Variants in UGT1A9 observed in about 807,000 individuals in gnomAD.
The protein encoded by UGT1A9 is UDP glucuronosyltransferase family 1 member A9.
Under a neutral mutation model 45.0 loss-of-function variants are expected in UGT1A9, and 35 were observed. The observed-to-expected ratio is 0.78, with a 90% CI of 0.59 to 1.03. The LOEUF is 1.03. Ranked by LOEUF, UGT1A9 falls within the 50% of genes least tolerant of loss-of-function variation. The pLI is 0.00. For missense variants in UGT1A9, 687 were observed against 666.6 expected (o/e 1.03, Z -0.34); for synonymous variants, 278 against 250.6 (o/e 1.11, Z -1.03).
At chr2:233,716,461 A>G (rs2076505023) in intron 1 of UGT1A9, among the ~76,000 whole-genome samples, 1 of 151,896 alleles carries the variant, frequency 6.6e-6, no homozygotes, top group Non-Finnish European at 1.5e-5. Context: ...TTTAAATTTA[A>G]TTTTTGTTTC....
intron 1 of UGT1A9, chr2:233,743,777 T>C (rs1692497212): frequency 7.3e-7 from 1 of 1,367,292 alleles, no homozygotes; most frequent in Admixed American, 1.9e-5. Flanking sequence ...GGCCACCTGC[T>C]TGAATCTCCT....
intron 1 of UGT1A9, chr2:233,693,496 C>T (rs1360218156): frequency 8.1e-6 from 13 of 1,614,144 alleles, no homozygotes; most frequent in Non-Finnish European, 1.1e-5. Context: ...AGTATTTGGG[C>T]CTACCATCTG....
intron 1 of UGT1A9, among the ~76,000 whole-genome samples, chr2:233,757,535 A>AATATATATACATAT (rs376887521): frequency 1.4e-4 from 12 of 88,292 alleles, no homozygotes; most frequent in Admixed American, 3.3e-4. Context: ...GCCTGTAAGG[A>AATATATATACATAT]ATATATATAT....
rs570829500 is a variant in UGT1A9, at chr2:233,743,629, T to G, written c.856-23405T>G. 70 of 1,367,302 alleles carry G rather than the reference T, an allele frequency of 5.1e-5. 1 individual carries two copies. The highest frequency in any genetic ancestry group is 2.7e-4 in the East Asian group (6 of 21,984). The allele number at this position is 1,367,302 out of a possible 1,614,324, so 84.7% of individuals were successfully genotyped here. The stretch of plus-strand genomic sequence containing the variant: ...CGAAGAACTCCCTGAAGACGTCGGC[T>G]GGGTCGCGGAAGCTGAAGACGTACT... On this transcript the variant is annotated intron_variant, in intron 1 of 4. Transcript: ENST00000354728.
chr2:233,764,219 C>T (rs759767670), intron 1 of UGT1A9, among the ~76,000 whole-genome samples: 2 of 152,130 alleles, frequency 1.3e-5, no homozygotes, highest in Non-Finnish European at 2.9e-5. Context: ...TGAAGGGAAT[C>T]AATGGTGGGG....
chr2:233,741,124 A>T (rs1048949215), intron 1 of UGT1A9, among the ~76,000 whole-genome samples: 1 of 151,714 alleles, frequency 6.6e-6, no homozygotes, highest in Non-Finnish European at 1.5e-5. Context: ...ACTTCTATAA[A>T]AGCAACACTT....
At chr2:233,748,875 A>T (rs1329303581) in intron 1 of UGT1A9, among the ~76,000 whole-genome samples, 1 of 151,636 alleles carries the variant, frequency 6.6e-6, no homozygotes, top group Non-Finnish European at 1.5e-5. Flanking sequence ...GGGGACGGTG[A>T]TGAATGGACA....
intron 1 of UGT1A9, among the ~76,000 whole-genome samples, chr2:233,759,225 G>A (rs984421918): frequency 4.6e-5 from 7 of 152,188 alleles, no homozygotes; most frequent in Admixed American, 2.0e-4. Context: ...TTATGCAAAT[G>A]AAGGATGGAA....
At chr2:233,713,488 C>A (rs758374226) in intron 1 of UGT1A9, 1 of 1,613,950 alleles carries the variant, frequency 6.2e-7, no homozygotes, top group Non-Finnish European at 8.5e-7. Context: ...AAGTACCTGT[C>A]GATTCCTGCT....
intron 1 of UGT1A9, among the ~76,000 whole-genome samples, chr2:233,734,879 CAGTT>C (rs1435181219): frequency 6.6e-6 from 1 of 152,150 alleles, no homozygotes; most frequent in Non-Finnish European, 1.5e-5. Flanking sequence ...GTCTGAGAGA[CAGTT>C]TGTTGTGATT....
intron 1 of UGT1A9, among the ~76,000 whole-genome samples, chr2:233,766,606 C>T (rs961105676): frequency 6.6e-6 from 1 of 152,198 alleles, no homozygotes; most frequent in Non-Finnish European, 1.5e-5. Context: ...GGACCACACC[C>T]TCTTCTACCC....
chr2:233,772,962 G>T lies in UGT1A9; in HGVS notation c.*403G>T, dbSNP rs1038101651. On this transcript the variant is annotated 3_prime_UTR_variant, in exon 5 of 5. Coordinates refer to ENST00000354728, the MANE Select transcript of UGT1A9 (RefSeq NM_021027.3). ...TTGGCTTCTGCAGATGGTTGCAATT[G>T]ATCCTTAACCAATAATGGTCAGTCC... 6.4e-6 allele frequency: 2 copies of T among 313,106 alleles called. No homozygotes were observed. Among genetic ancestry groups the T allele is most frequent in the Middle Eastern group, 1.1e-3 (1 of 878 alleles). 19.4% of individuals were successfully genotyped at this position (313,106 alleles called of 1,614,324 possible). A position where few individuals can be genotyped will look rare whatever the true frequency, so the allele number is the denominator to read the frequency against.
At chr2:233,742,102 G>T (rs1682785139) in intron 1 of UGT1A9, 1 of 151,856 alleles carries the variant, frequency 6.6e-6, no homozygotes, top group South Asian at 2.1e-4. Context: ...AGGACCCACT[G>T]CCAAGACCAG....
chr2:233,709,753 T>C (rs1405121833), intron 1 of UGT1A9, among the ~76,000 whole-genome samples: 1 of 152,244 alleles, frequency 6.6e-6, no homozygotes, highest in African/African-American at 2.4e-5. Flanking sequence ...ATAAACATTA[T>C]TGGAGTATTA....
Position 233,768,272 on chromosome 2 carries a change from T to C in UGT1A9, c.1128T>C (p.Tyr376=). Residue 376 remains tyrosine, a synonymous_variant, in exon 4 of 5, where the codon TAT becomes TAC. Transcript: ENST00000354728. ...FITHAGSHGV[Y]ESICNGVPMV... ...CCCATGCTGGTTCCCATGGTGTTTATGAAAGCATATGCAATGGCGTTCCCA... is the reference window on the plus strand; with the variant it reads ...CCCATGCTGGTTCCCATGGTGTTTACGAAAGCATATGCAATGGCGTTCCCA... 1 of 1,614,214 alleles carries C rather than the reference T, an allele frequency of 6.2e-7. No homozygotes were observed. The highest frequency in any genetic ancestry group is 2.2e-5 in the East Asian group (1 of 44,870).
intron 1 of UGT1A9, among the ~76,000 whole-genome samples, chr2:233,711,291 G>C (rs4233633): frequency 0.17 from 25,883 of 152,238 alleles, 2,419 homozygotes; most frequent in South Asian, 0.25. Context: ...AGACGTGGGA[G>C]TAGAAATTAG....
chr2:233,717,520 C>A (rs1221437442), intron 1 of UGT1A9, among the ~76,000 whole-genome samples: 1 of 152,224 alleles, frequency 6.6e-6, no homozygotes, highest in Non-Finnish European at 1.5e-5. Flanking sequence ...GGAGTAACTT[C>A]CTCCATAAGG....
chr2:233,744,031 A>G, intron 1 of UGT1A9: 1 of 839,512 alleles, frequency 1.2e-6, no homozygotes. Flanking sequence ...GACGCCCCTT[A>G]TGACGCAGCC....
chr2:233,755,768 C>G (rs1461511969), intron 1 of UGT1A9: 5 of 152,866 alleles, frequency 3.3e-5, no homozygotes, highest in African/African-American at 1.2e-4. Flanking sequence ...TTTTGTTCAT[C>G]TGGATTATGC....
Sources: gnomAD v4.1 joint callset for allele counts (sites outside exome capture counted in the v4.1 genomes callset) on GRCh38, gnomAD v4.1.1 for gene constraint, MANE v1.5 for transcripts, NCBI Gene and HGNC (gene_info 2026-07-23, HGNC 2026-07-21) for gene names.